The following YTHDC2 variants were observed in gnomAD, a reference collection of about 807,000 sequenced individuals.
YTHDC2 encodes YTH N6-methyladenosine RNA binding protein C2, also known as 3'-5' RNA helicase YTHDC2.
YTHDC2 carries 45 observed loss-of-function variants against 174.9 expected under a neutral mutation model. The ratio of observed to expected loss-of-function variants is 0.26; its 90% CI spans 0.20 to 0.33. The LOEUF is 0.33. Among genes scored for constraint, YTHDC2 ranks in the 10% least tolerant of loss-of-function variants. The probability of loss-of-function intolerance (pLI) is 1.00; values close to 1 mark genes in which losing one functional copy is unlikely to be tolerated. For missense variants in YTHDC2, 1,650 were observed against 1,723.7 expected (o/e 0.96, Z 0.76); for synonymous variants, 657 against 574.5 (o/e 1.14, Z -2.05).
At chr5:113,563,640 C>A in intron 19 of YTHDC2, 148 bp downstream of exon 19, 1 of 1,056,962 alleles carries the variant, frequency 9.5e-7, no homozygotes, top group Non-Finnish European at 1.3e-6. Context: ...TACTTTTAAA[C>A]AATTATCTTA....
intron 26 of YTHDC2, among the ~76,000 whole-genome samples, chr5:113,586,892 A>G (rs1423344141): frequency 1.5e-5 from 2 of 134,546 alleles, no homozygotes; most frequent in African/African-American, 5.5e-5. Context: ...TATATAATAT[A>G]TAAATATATA....
chr5:113,585,287 G>C (rs1778620877), intron 26 of YTHDC2, among the ~76,000 whole-genome samples: 1 of 151,976 alleles, frequency 6.6e-6, no homozygotes, highest in Admixed American at 6.6e-5. Context: ...CTTGTAATAA[G>C]AATAATTTTA....
intron 8 of YTHDC2, among the ~76,000 whole-genome samples, chr5:113,540,169 G>A (rs556946368): frequency 2.7e-4 from 41 of 152,302 alleles, no homozygotes; most frequent in Admixed American, 2.6e-4. Context: ...ACAGGCATGA[G>A]CCACCATGTC....
intron 2 of YTHDC2, among the ~76,000 whole-genome samples, chr5:113,524,297 C>T (rs9326890): frequency 0.17 from 25,842 of 151,978 alleles, 2,316 homozygotes; most frequent in Non-Finnish European, 0.19. Context: ...CTCTTAGAGC[C>T]GCAGAAGTCA....
chr5:113,561,337 A>AT, intron 18 of YTHDC2, 152 bp downstream of exon 18: 1 of 463,466 alleles, frequency 2.2e-6, no homozygotes, highest in Non-Finnish European at 3.7e-6. Flanking sequence ...TATAACAAAT[A>AT]TTTTTTCTAT....
At chr5:113,553,888 C>G (rs1328288654) in intron 15 of YTHDC2, 34 bp downstream of exon 15, 31 of 1,584,980 alleles carry the variant, frequency 2.0e-5, no homozygotes, top group Non-Finnish European at 2.6e-5. Flanking sequence ...TTAACACTTT[C>G]ATTAGTTATT....
rs1400977667 is a variant in YTHDC2 at position 113,593,813 on chromosome 5, T to G, written c.*339T>G. 6.5e-6 allele frequency: 1 copy of G among 154,136 alleles called. No homozygotes were observed. The highest frequency in any genetic ancestry group is 1.4e-5 in the Non-Finnish European group (1 of 69,242). The allele number at this position is 154,136 out of a possible 1,614,324, so 9.5% of individuals were successfully genotyped here. A position where few individuals can be genotyped will look rare whatever the true frequency, so the allele number is the denominator to read the frequency against. On this transcript the variant is annotated 3_prime_UTR_variant, in exon 30 of 30. Coordinates refer to ENST00000161863, the MANE Select transcript of YTHDC2 (RefSeq NM_022828.5). ...TTATTGATGACTTTTTAATGCAGAG[T>G]AAGTTGTTTAAGAAAGGCCTGAATA... is the stretch of plus-strand genomic sequence containing the variant.
chr5:113,577,622 G>A (rs1016253749), intron 23 of YTHDC2, among the ~76,000 whole-genome samples: 9 of 152,160 alleles, frequency 5.9e-5, no homozygotes, highest in Non-Finnish European at 1.0e-4. Flanking sequence ...TGCTCACCTC[G>A]GTCTCCCAAA....
At chr5:113,587,859 C>T (rs537234639) in intron 26 of YTHDC2, among the ~76,000 whole-genome samples, 1 of 151,822 alleles carries the variant, frequency 6.6e-6, no homozygotes, top group Admixed American at 6.6e-5. Context: ...AGAAAATCAA[C>T]AATTAACACT....
intron 8 of YTHDC2, among the ~76,000 whole-genome samples, chr5:113,540,157 C>T (rs35162738): frequency 0.29 from 44,492 of 152,132 alleles, 7,981 homozygotes; most frequent in African/African-American, 0.49. Flanking sequence ...TAAAGTGGAA[C>T]TACAGGCATG....
intron 20 of YTHDC2, among the ~76,000 whole-genome samples, chr5:113,565,040 C>G (rs936573156): frequency 4.6e-5 from 7 of 152,164 alleles, no homozygotes; most frequent in Non-Finnish European, 8.8e-5. Context: ...TCTCGAACTT[C>G]TGACCTCAAG....
At chr5:113,584,932 G>C (rs1778596063) in intron 26 of YTHDC2, among the ~76,000 whole-genome samples, 1 of 151,572 alleles carries the variant, frequency 6.6e-6, no homozygotes, top group African/African-American at 2.4e-5. Context: ...ATGCCACCAT[G>C]CCCAGCTGAT....
chr5:113,514,236 G>C (rs535631414), intron 1 of YTHDC2, 154 bp downstream of exon 1: 246 of 932,750 alleles, frequency 2.6e-4, no homozygotes, highest in Middle Eastern at 1.2e-3. Flanking sequence ...GCGGCACCCG[G>C]GTCTGGAACG....
intron 4 of YTHDC2, among the ~76,000 whole-genome samples, chr5:113,528,034 T>C (rs1251381096): frequency 2.6e-5 from 4 of 152,248 alleles, no homozygotes; most frequent in South Asian, 4.1e-4. Context: ...TAGATTGTTA[T>C]AATTTTTTTA....
rs1388843421 is a variant in YTHDC2, at chr5:113,595,075, G to A, written c.*1601G>A. 1 of 151,430 alleles carries A rather than the reference G, an allele frequency of 6.6e-6. No homozygotes were observed. Among genetic ancestry groups the A allele is most frequent in the African/African-American group, 2.4e-5 (1 of 41,222 alleles). The allele number at this position is 151,430 out of a possible 1,614,324, so 9.4% of individuals were successfully genotyped here. Reference sequence around the variant, plus strand: ...CCCTGATAATGTGTACATTTTTTAGGCATGTACTTAATAGTTCACAATGTT... The same window carrying A: ...CCCTGATAATGTGTACATTTTTTAGACATGTACTTAATAGTTCACAATGTT... On this transcript the variant is annotated 3_prime_UTR_variant, in exon 30 of 30. Transcript: ENST00000161863.
rs1434966778 is a variant in YTHDC2, at chr5:113,549,012, A to T, written c.1680A>T (p.Glu560Asp). ...FGQTEIVDLL[E>D]SYSATLEFGN... ...AGACTGAAATTGTGGATCTTCTAGAATCTTACAGGTAAAACTTTGTACTAT... is the reference window on the plus strand; with the variant it reads ...AGACTGAAATTGTGGATCTTCTAGATTCTTACAGGTAAAACTTTGTACTAT... The change falls in exon 12 of 30, where the codon GAA (glutamate) becomes GAT (aspartate). Residue 560 changes from glutamate (E) to aspartate (D), a missense_variant. Physicochemically the swap from Glu to Asp is conservative, Grantham distance 45. Coordinates refer to ENST00000161863, the MANE Select transcript of YTHDC2 (RefSeq NM_022828.5). The T allele has an allele frequency of 4.3e-6, 7 of 1,612,162 alleles. No individual in the cohort carries two copies. Among genetic ancestry groups the T allele is most frequent in the Non-Finnish European group, 5.9e-6 (7 of 1,178,872 alleles).
intron 20 of YTHDC2, 44 bp from the exon 21 acceptor site, chr5:113,565,849 G>T: frequency 6.3e-7 from 1 of 1,581,678 alleles, no homozygotes; most frequent in East Asian, 2.3e-5. Flanking sequence ...ACTAAGAAGC[G>T]ATTAGTAAAT....
Position 113,564,002 on chromosome 5 carries a change from C to T in YTHDC2, c.2586C>T (p.Cys862=). 1.2e-6 allele frequency: 2 copies of T among 1,614,096 alleles called. No homozygotes were observed. The highest frequency in any genetic ancestry group is 1.7e-6 in the Non-Finnish European group (2 of 1,180,014). The stretch of plus-strand genomic sequence containing the variant: ...TGGACCCCATCCTTACAATTGCTTG[C>T]ACACTAGCTTATCGAGATCCTTTTG... The part of the protein sequence containing the change: ...KCLDPILTIA[C]TLAYRDPFVL... Residue 862 remains cysteine (C), a synonymous_variant, in exon 20 of 30, where the codon TGC becomes TGT. Coordinates refer to ENST00000161863, the MANE Select transcript of YTHDC2 (RefSeq NM_022828.5).
intron 3 of YTHDC2, among the ~76,000 whole-genome samples, chr5:113,525,464 C>T (rs979485487): frequency 4.6e-5 from 7 of 151,916 alleles, no homozygotes; most frequent in African/African-American, 1.7e-4. Flanking sequence ...TATATGGGGC[C>T]TCCTAGCAAC....
Sources: allele counts gnomAD v4.1 joint callset (sites outside exome capture counted in the v4.1 genomes callset), GRCh38; gene constraint gnomAD v4.1.1; transcripts MANE v1.5; gene names NCBI Gene and HGNC (gene_info 2026-07-23, HGNC 2026-07-21).